Variants in CAMK1D observed in about 807,000 individuals in gnomAD.
CAMK1D encodes the protein calcium/calmodulin dependent protein kinase ID.
CAMK1D carries 9 observed loss-of-function variants against 47.7 expected under a neutral mutation model. The ratio of observed to expected loss-of-function variants is 0.19; its 90% CI spans 0.11 to 0.33. The LOEUF (loss-of-function observed/expected upper bound fraction) is 0.33. Ranked by LOEUF, CAMK1D falls within the 10% of genes least tolerant of loss-of-function variation. The probability of loss-of-function intolerance (pLI) is 1.00; values close to 1 mark genes in which losing one functional copy is unlikely to be tolerated. For synonymous variants in CAMK1D, 184 were observed against 184.9 expected, an observed-to-expected ratio of 0.99 and a Z score of 0.04; for missense variants, 291 against 488.7, an observed-to-expected ratio of 0.60 and a Z score of 3.81.
chr10:12,481,703 T>C (rs1405683045), intron 1 of CAMK1D, among the ~76,000 whole-genome samples: 1 of 152,148 alleles, frequency 6.6e-6, no homozygotes, highest in African/African-American at 2.4e-5. Flanking sequence ...AGAGACGGGG[T>C]TTCACCATGT....
Position 12,489,508 on chromosome 10 carries a change from G to C in CAMK1D, c.93-63717G>C, listed in dbSNP as rs1018670797. On this transcript the variant is annotated intron_variant, in intron 1 of 10. Coordinates refer to ENST00000619168, the MANE Select transcript of CAMK1D (RefSeq NM_153498.4). ...TCCATAAGGATCATTTTAATCAAGC[G>C]GTAGGGAAGCAGCCCAGTGGTGTGC... is the stretch of plus-strand genomic sequence containing the variant. Among the ~76,000 whole-genome samples the C allele has an allele frequency of 4.6e-5, 7 of 152,280 alleles. No individual in the cohort carries two copies. The East Asian group carries it at 1.2e-3, about 25-fold the overall frequency.
intron 2 of CAMK1D, among the ~76,000 whole-genome samples, chr10:12,664,376 C>T (rs61237588): frequency 0.037 from 5,589 of 151,950 alleles, 214 homozygotes; most frequent in South Asian, 0.12. Flanking sequence ...TTCTCTGGAA[C>T]GCTGCAATGG....
Position 12,373,458 on chromosome 10 carries a change from C to T in CAMK1D, c.92+23548C>T, listed in dbSNP as rs1403555341. Among the ~76,000 whole-genome samples the T allele has an allele frequency of 4.0e-5, 6 of 151,810 alleles. No individual in the cohort carries two copies. The East Asian group carries it at 1.2e-3, about 29-fold the overall frequency. The stretch of plus-strand genomic sequence containing the variant: ...ACCAGCCTGGCCAACATGGTGAAAC[C>T]CCGTCTCTACTAAAGATGCAAGAAT... On this transcript the variant is annotated intron_variant, in intron 1 of 10. Coordinates refer to ENST00000619168, the MANE Select transcript of CAMK1D (RefSeq NM_153498.4).
chr10:12,564,153 C>CTCTCTCTGTCTG (rs1837049122), intron 2 of CAMK1D, among the ~76,000 whole-genome samples: 1 of 85,826 alleles, frequency 1.2e-5, no homozygotes, highest in South Asian at 5.1e-4. Context: ...CTCTGTCTCT[C>CTCTCTCTGTCTG]TCTCTCTCTC....
intron 2 of CAMK1D, among the ~76,000 whole-genome samples, chr10:12,655,450 A>G (rs1156403460): frequency 1.3e-5 from 2 of 152,168 alleles, no homozygotes; most frequent in Non-Finnish European, 2.9e-5. Context: ...GTAACTTCTC[A>G]TGGATGGTAA....
chr10:12,809,244 A>G (rs1832499922), intron 6 of CAMK1D, among the ~76,000 whole-genome samples: 1 of 152,226 alleles, frequency 6.6e-6, no homozygotes, highest in Admixed American at 6.5e-5. Context: ...AGTGATATTG[A>G]GCATTTTTTC....
At chr10:12,365,595 T>C (rs957157199) in intron 1 of CAMK1D, among the ~76,000 whole-genome samples, 2 of 151,640 alleles carry the variant, frequency 1.3e-5, no homozygotes, top group Admixed American at 6.6e-5. Flanking sequence ...CTTGCCACCA[T>C]GCCCGGCTAA....
At position 12,407,830 on chromosome 10, in the gene CAMK1D, A is replaced by G. The variant is rs546900937; in HGVS notation, c.92+57920A>G. On this transcript the variant is annotated intron_variant, in intron 1 of 10. Transcript: ENST00000619168. ...AAAAATGAAAACAAATTCCTCCTCA[A>G]GGGTGTGATTGGCTGACTCTTTTTT... 5.3e-5 allele frequency among the ~76,000 whole-genome samples: 8 copies of G among 151,072 alleles called. No individual in the cohort carries two copies. The South Asian group carries it at 1.5e-3, about 28-fold the overall frequency.
At chr10:12,674,222 A>G (rs1840720060) in intron 3 of CAMK1D, among the ~76,000 whole-genome samples, 1 of 152,244 alleles carries the variant, frequency 6.6e-6, no homozygotes, top group Non-Finnish European at 1.5e-5. Context: ...TATGTGAGCC[A>G]CTGCTCCTGG....
Position 12,832,325 on chromosome 10 carries a change from C to CTT in CAMK1D, c.*3439_*3440insTT, listed in dbSNP as rs1833431974. On this transcript the variant is annotated 3_prime_UTR_variant, in exon 11 of 11. Coordinates refer to ENST00000619168, the MANE Select transcript of CAMK1D (RefSeq NM_153498.4). The stretch of plus-strand genomic sequence containing the variant: ...TGGAGTCTGGAGTCTGGGCAGCTGT[C>CTT]TGCCTCTCTACGGCTCTGCTTCCCA... The CTT allele has an allele frequency of 6.6e-6, 1 of 152,380 alleles. No homozygotes were observed. Among genetic ancestry groups the CTT allele is most frequent in the South Asian group, 2.1e-4 (1 of 4,826 alleles). The allele number at this position is 152,380 out of a possible 1,614,324, so 9.4% of individuals were successfully genotyped here.
At chr10:12,684,902 C>A (rs181629816) in intron 3 of CAMK1D, among the ~76,000 whole-genome samples, 4 of 152,166 alleles carry the variant, frequency 2.6e-5, no homozygotes, top group Admixed American at 1.3e-4. Context: ...TATAATGCTC[C>A]AACTAGAATT....
chr10:12,375,393 C>A (rs572627115), intron 1 of CAMK1D, among the ~76,000 whole-genome samples: 2 of 152,192 alleles, frequency 1.3e-5, no homozygotes, highest in Non-Finnish European at 2.9e-5. Flanking sequence ...CCCCGCCTTC[C>A]GTGTGAGGAT....
intron 2 of CAMK1D, among the ~76,000 whole-genome samples, chr10:12,663,570 C>G (rs1171679213): frequency 1.3e-5 from 2 of 152,096 alleles, no homozygotes; most frequent in African/African-American, 4.8e-5. Context: ...CGTTCTAGCT[C>G]CAGCCAGTGC....
chr10:12,409,879 A>G (rs897782189), intron 1 of CAMK1D, among the ~76,000 whole-genome samples: 2 of 152,156 alleles, frequency 1.3e-5, no homozygotes, highest in Non-Finnish European at 1.5e-5. Flanking sequence ...CTGTCTCACC[A>G]CTGGTAACCT....
At chr10:12,376,512 CA>C in intron 1 of CAMK1D, among the ~76,000 whole-genome samples, 1 of 152,262 alleles carries the variant, frequency 6.6e-6, no homozygotes, top group Non-Finnish European at 1.5e-5. Context: ...GGAGTGCCGC[CA>C]GGGGCACCTT....
chr10:12,757,907 A>T (rs1198728691), intron 3 of CAMK1D, among the ~76,000 whole-genome samples: 1 of 140,548 alleles, frequency 7.1e-6, no homozygotes, highest in Non-Finnish European at 1.5e-5. Context: ...GCTGGAGTGC[A>T]ATGGCATGAT....
chr10:12,533,950 C>T (rs1283788943), intron 1 of CAMK1D, among the ~76,000 whole-genome samples: 3 of 152,112 alleles, frequency 2.0e-5, no homozygotes, highest in Non-Finnish European at 4.4e-5. Context: ...TATTCCAGGA[C>T]GTCTCCTGGG....
At chr10:12,802,292 C>G (rs1331527235) in intron 6 of CAMK1D, among the ~76,000 whole-genome samples, 1 of 152,176 alleles carries the variant, frequency 6.6e-6, no homozygotes, top group Non-Finnish European at 1.5e-5. Flanking sequence ...AACTCTTTTG[C>G]CTTTGTATCT....
chr10:12,617,262 G>A (rs562274633), intron 2 of CAMK1D, among the ~76,000 whole-genome samples: 45 of 152,256 alleles, frequency 3.0e-4, no homozygotes, highest in Non-Finnish European at 5.4e-4. Flanking sequence ...TTAAAATGTT[G>A]TAATTTTTTC....
Sources: gnomAD v4.1 joint callset for allele counts (sites outside exome capture counted in the v4.1 genomes callset) on GRCh38, gnomAD v4.1.1 for gene constraint, MANE v1.5 for transcripts, NCBI Gene and HGNC (gene_info 2026-07-23, HGNC 2026-07-21) for gene names.